NDRG2: variants seen among roughly 807,000 people sequenced by gnomAD.
The protein encoded by NDRG2 is NDRG family member 2, also known as protein NDRG2.
In NDRG2, 34 loss-of-function variants were observed where a neutral mutation model predicts 58.2. The observed-to-expected ratio is 0.58, with a 90% CI of 0.44 to 0.78. NDRG2 has a LOEUF of 0.78. NDRG2 is among the 30% of genes least tolerant of loss of function. The pLI is 0.00. For missense variants in NDRG2, 434 were observed against 471.2 expected (o/e 0.92, Z 0.73); for synonymous variants, 187 against 175.9 (o/e 1.06, Z -0.50).
At position 21,020,794 on chromosome 14, in the gene NDRG2, G is replaced by T. The variant is rs768988182; in HGVS notation, c.458C>A (p.Ala153Glu). The change falls in exon 7 of 16, where the codon GCG becomes GAG. Residue 153 changes from alanine to glutamate, a missense_variant. Coordinates refer to ENST00000556147, the MANE Select transcript of NDRG2 (RefSeq NM_001320329.2). The stretch of plus-strand genomic sequence containing the variant: ...CTTTTTATTTCTTACAGCATATCTC[G>T]CCAGGATGTAGGCTCCAGCTCCAAC... ...VGVGAGAYIL[A>E]RYALNHPDTV... The T allele has an allele frequency of 1.2e-6, 2 of 1,613,792 alleles. No individual in the cohort carries two copies. The highest frequency in any genetic ancestry group is 1.7e-6 in the Non-Finnish European group (2 of 1,180,000).
intron 11 of NDRG2, 28 bp from the exon 12 acceptor site, chr14:21,018,842 A>C: frequency 6.2e-7 from 1 of 1,613,942 alleles, no homozygotes; most frequent in East Asian, 2.2e-5. Context: ...GGGAGAAGGC[A>C]GTGAGCCCCT....
At chr14:21,036,093 G>A in intron 1 of NDRG2, 1 of 423,454 alleles carries the variant, frequency 2.4e-6, no homozygotes, top group Admixed American at 2.7e-5. Flanking sequence ...CCGGCACATG[G>A]TGAGTCCTCA....
chr14:21,064,299 C>CTT (rs35063072), intron 1 of NDRG2, among the ~76,000 whole-genome samples: 1 of 146,306 alleles, frequency 6.8e-6, no homozygotes, highest in Non-Finnish European at 1.5e-5. Context: ...CACTTGATGC[C>CTT]TTTTTTTTTT....
At chr14:21,021,265 T>C (rs1396674145) in intron 6 of NDRG2, 2 of 371,078 alleles carry the variant, frequency 5.4e-6, no homozygotes, top group Non-Finnish European at 1.1e-5. Context: ...TAGTGAACAA[T>C]GGAGAGAATG....
chr14:21,054,361 C>T (rs1885590724), intron 1 of NDRG2, among the ~76,000 whole-genome samples: 1 of 151,372 alleles, frequency 6.6e-6, no homozygotes, highest in African/African-American at 2.4e-5. Flanking sequence ...CACACACACA[C>T]ACTGCTGAGT....
chr14:21,056,317 GC>G (rs1566505452), intron 1 of NDRG2, among the ~76,000 whole-genome samples: 1 of 151,918 alleles, frequency 6.6e-6, no homozygotes, highest in Non-Finnish European at 1.5e-5. Flanking sequence ...TTAATAATAC[GC>G]TAAATATATA....
intron 3 of NDRG2, 39 bp downstream of exon 3, chr14:21,022,822 ACAG>A: frequency 1.3e-6 from 2 of 1,599,912 alleles, no homozygotes; most frequent in Non-Finnish European, 1.7e-6. Context: ...GGGGAAGAGG[ACAG>A]CCCCTCCTCC....
chr14:21,039,432 G>GCTCT (rs1323384360), intron 1 of NDRG2, among the ~76,000 whole-genome samples: 1 of 152,034 alleles, frequency 6.6e-6, no homozygotes, highest in Non-Finnish European at 1.5e-5. Context: ...TTCTGCTCTT[G>GCTCT]CTCTCTCTCT....
At chr14:21,031,436 G>C (rs967188637) in intron 1 of NDRG2, among the ~76,000 whole-genome samples, 1 of 152,170 alleles carries the variant, frequency 6.6e-6, no homozygotes, top group Non-Finnish European at 1.5e-5. Flanking sequence ...GCTTTTGGAG[G>C]ACATTAGTGT....
At chr14:21,064,899 G>C (rs552319684) in intron 1 of NDRG2, among the ~76,000 whole-genome samples, 134 of 152,298 alleles carry the variant, frequency 8.8e-4, no homozygotes, top group African/African-American at 3.2e-3. Context: ...GGCCGGGCAT[G>C]GTGGCTCATG....
At chr14:21,027,008 G>C (rs1226907278), upstream of NDRG2, among the ~76,000 whole-genome samples, 1 of 152,188 alleles carries the variant, frequency 6.6e-6, no homozygotes, top group East Asian at 1.9e-4. Flanking sequence ...GAGTGGGGGA[G>C]GGAAGGACCT....
At chr14:21,031,221 G>A (rs898614440) in intron 1 of NDRG2, 1 of 1,587,790 alleles carries the variant, frequency 6.3e-7, no homozygotes, top group Admixed American at 1.7e-5. Context: ...CATTGTTCCA[G>A]TCTACCCTCC....
intron 1 of NDRG2, chr14:21,034,364 TC>T: frequency 9.7e-7 from 1 of 1,032,462 alleles, no homozygotes; most frequent in Non-Finnish European, 1.4e-6. Context: ...TCCCAGAGCC[TC>T]CAGCATTCCC....
rs1361160698 is a variant in NDRG2 at position 21,070,862 on chromosome 14, A to C, written c.-11T>G. On this transcript the variant is annotated 5_prime_UTR_variant, in exon 1 of 15. Coordinates refer to the NDRG2 transcript ENST00000403829. The surrounding 1 kb of genome is among the most constrained non-coding windows in gnomAD (Gnocchi z 4.7). ...ACCACCATTTTCCATCCCTGTCCCC[A>C]ACCCGGTGAGGCAGGCCCACCCATC... The C allele has an allele frequency of 3.3e-6, 5 of 1,535,610 alleles. No individual in the cohort carries two copies. The highest frequency in any genetic ancestry group is 4.9e-5 in the East Asian group (2 of 40,882).
At chr14:21,038,358 G>C (rs1229231635) in intron 1 of NDRG2, among the ~76,000 whole-genome samples, 1 of 152,238 alleles carries the variant, frequency 6.6e-6, no homozygotes, top group Non-Finnish European at 1.5e-5. Context: ...GGAATTGACA[G>C]TCTAAGAGAA....
At position 21,023,001 on chromosome 14, in the gene NDRG2, C is replaced by G. The variant is rs926837539; in HGVS notation, c.76-96G>C. The G allele has an allele frequency of 2.9e-6, 4 of 1,384,764 alleles. No homozygotes were observed. The African/African-American group carries it at 5.7e-5, about 20-fold the overall frequency. 85.8% of individuals were successfully genotyped at this position (1,384,764 alleles called of 1,614,324 possible). Reference sequence around the variant, plus strand: ...ACAAAGAGAGGCAAGTAAAGACAGACCAACAAATGACCAAAGACAGAAAGA... The same window carrying G: ...ACAAAGAGAGGCAAGTAAAGACAGAGCAACAAATGACCAAAGACAGAAAGA... On this transcript the variant is annotated intron_variant, in intron 2 of 15. Transcript: ENST00000556147.
intron 1 of NDRG2, among the ~76,000 whole-genome samples, chr14:21,053,500 G>A (rs1409329101): frequency 6.6e-6 from 1 of 152,106 alleles, no homozygotes; most frequent in Non-Finnish European, 1.5e-5. Flanking sequence ...GGCAGTGGGT[G>A]TCTGTAATCC....
chr14:21,021,358 G>T, intron 6 of NDRG2: 1 of 334,196 alleles, frequency 3.0e-6, no homozygotes, highest in Non-Finnish European at 5.9e-6. Flanking sequence ...GCACCCAGGG[G>T]CCAGCACCTC....
chr14:21,031,920 G>A (rs776993921), intron 1 of NDRG2: 106 of 1,614,158 alleles, frequency 6.6e-5, no homozygotes, highest in African/African-American at 8.0e-5. Flanking sequence ...GCAGTGGACC[G>A]TTTGACAGAC....
Sources: gnomAD v4.1 joint callset for allele counts (sites outside exome capture counted in the v4.1 genomes callset) on GRCh38, gnomAD v4.1.1 for gene constraint, Gnocchi (gnomAD v3.1) non-coding constraint, MANE v1.5 for transcripts, NCBI Gene and HGNC (gene_info 2026-07-23, HGNC 2026-07-21) for gene names.